HDC: variants seen among roughly 807,000 people sequenced by gnomAD.
HDC encodes the protein histidine decarboxylase.
Under a neutral mutation model 64.4 loss-of-function variants are expected in HDC, and 27 were observed. The ratio of observed to expected loss-of-function variants is 0.42; its 90% CI spans 0.31 to 0.58. HDC has a LOEUF of 0.58. HDC is among the 20% of genes least tolerant of loss of function. The pLI, the probability that HDC is intolerant of heterozygous loss-of-function variation, is 0.16. For synonymous variants in HDC, 305 were observed against 314.2 expected, an observed-to-expected ratio of 0.97 and a Z score of 0.31; for missense variants, 711 against 833.9, an observed-to-expected ratio of 0.85 and a Z score of 1.81.
Position 50,242,649 on chromosome 15 carries a change from T to C in HDC, c.1600A>G (p.Met534Val), listed in dbSNP as rs1270525844. 2 of 1,614,162 alleles carry C rather than the reference T, an allele frequency of 1.2e-6. No homozygotes were observed. The highest frequency in any genetic ancestry group is 2.2e-5 in the East Asian group (1 of 44,890). Residue 534 changes from methionine to valine, a missense_variant, in exon 12 of 12, where the codon ATG becomes GTG. Physicochemically the swap from Met to Val is conservative, Grantham distance 21. This residue lies in a region of HDC where 483 missense variants were observed against 540.9 expected (regional missense o/e 0.89). Coordinates refer to ENST00000267845, the MANE Select transcript of HDC (RefSeq NM_002112.4). ...KQPQRVGAGP[M>V]KRENGLHLET... ...AGATGGAGGCCATTTTCCCTTTTCA[T>C]GGGACCGGCTCCCACACGCTGAGGC...
chr15:50,265,080 T>C (rs2045750136), intron 1 of HDC, among the ~76,000 whole-genome samples: 1 of 152,208 alleles, frequency 6.6e-6, no homozygotes. Flanking sequence ...GGGAGATCCA[T>C]GCCTGAGAAC....
In HDC at chr15:50,253,609, C is replaced by T. The variant is rs2045586962; in HGVS notation, c.778G>A (p.Gly260Ser). 6.2e-7 allele frequency: 1 copy of T among 1,613,728 alleles called. No homozygotes were observed. The change falls in exon 7 of 12, where the codon GGC becomes AGC. Residue 260 changes from glycine (G) to serine (S), a missense_variant. This residue lies in a region of HDC where 483 missense variants were observed against 540.9 expected (regional missense o/e 0.89). Transcript: ENST00000267845. ...GAGGGAAGATACTTACAGATGGGGC[C>T]CAGCTCTGACAGGCAGTCAAATGCA... Reference protein sequence around the residue: ...VCAFDCLSELGPICAREGLWL... With the variant: ...VCAFDCLSELSPICAREGLWL...
intron 4 of HDC, 74 bp from the exon 5 acceptor site, chr15:50,254,738 TTCTCTCTCTCTCTCTC>T (rs55859417): frequency 5.1e-5 from 44 of 865,388 alleles, no homozygotes; most frequent in Non-Finnish European, 6.9e-5. Flanking sequence ...TTCTAGTTTT[TTCTCTCTCTCTCTCTC>T]TCTCTCTCTC....
chr15:50,245,870 T>C (rs2045475424), intron 10 of HDC, among the ~76,000 whole-genome samples: 1 of 152,070 alleles, frequency 6.6e-6, no homozygotes, highest in Non-Finnish European at 1.5e-5. Context: ...CACTTCAGCC[T>C]GAGCAACAGA....
chr15:50,242,379 T>A lies in HDC; in HGVS notation c.1870A>T (p.Met624Leu). The A allele has an allele frequency of 6.2e-7, 1 of 1,614,194 alleles. No homozygotes were observed. Among genetic ancestry groups the A allele is most frequent in the Non-Finnish European group, 8.5e-7 (1 of 1,180,022 alleles). ...IFSRFPEDMM[M>L]LKKSAFKKLI... is the part of the protein sequence containing the mutation. ...TTTTTGAAGGCACTTTTCTTCAGCATCATCATGTCTTCTGGAAACCTGGAA... is the reference window on the plus strand; with the variant it reads ...TTTTTGAAGGCACTTTTCTTCAGCAACATCATGTCTTCTGGAAACCTGGAA... Residue 624 changes from methionine (M) to leucine (L), a missense_variant, in exon 12 of 12, where the codon ATG becomes TTG. Around this residue, in one of 3 missense-constraint regions of HDC, gnomAD observed 483 missense variants for 540.9 expected, o/e 0.89. Transcript: ENST00000267845.
intron 10 of HDC, among the ~76,000 whole-genome samples, chr15:50,245,218 T>A (rs1394189631): frequency 6.6e-6 from 1 of 152,258 alleles, no homozygotes; most frequent in African/African-American, 2.4e-5. Context: ...AGCCCCCACC[T>A]GTGTTTGTAA....
At chr15:50,247,507 C>A (rs1201517005) in intron 10 of HDC, among the ~76,000 whole-genome samples, 2 of 152,180 alleles carry the variant, frequency 1.3e-5, no homozygotes, top group African/African-American at 4.8e-5. Flanking sequence ...CAAAGACACA[C>A]ATAGGCAGAA....
At position 50,254,738 on chromosome 15, in the gene HDC, T is replaced by TCTCTC. The variant is rs1555503912; in HGVS notation, c.442-75_442-74insGAGAG. On this transcript the variant is annotated intron_variant, in intron 4 of 11. Transcript: ENST00000267845. ...AAATTTCCCCAGGCTTTCTAGTTTTTTCTCTCTCTCTCTCTCTCTCTCTCT... is the reference window on the plus strand; with the variant it reads ...AAATTTCCCCAGGCTTTCTAGTTTTTCTCTCTCTCTCTCTCTCTCTCTCTCTCTCT... The TCTCTC allele has an allele frequency of 5.8e-4, 500 of 865,208 alleles. 24 individuals carry two copies. The highest frequency in any genetic ancestry group is 5.1e-3 in the African/African-American group (278 of 54,672). The allele number at this position is 865,208 out of a possible 1,614,324, so 53.6% of individuals were successfully genotyped here.
In HDC at chr15:50,242,309, G is replaced by C. The variant is rs1567443266; in HGVS notation, c.1940C>G (p.Ser647Cys). ...ACAGGGCAGCTGGAGTCCACATTGA[G>C]AGCTGCATTCAGGAAAGCTGGGGAC... ...YSVPSFPECS[S>C]QCGLQLPCCP... The change falls in exon 12 of 12, where the codon TCT becomes TGT. Residue 647 changes from serine to cysteine, a missense_variant. Around this residue, in one of 3 missense-constraint regions of HDC, gnomAD observed 483 missense variants for 540.9 expected, o/e 0.89. Transcript: ENST00000267845. The C allele has an allele frequency of 6.2e-7, 1 of 1,614,156 alleles. No individual in the cohort carries two copies. The highest frequency in any genetic ancestry group is 2.2e-5 in the East Asian group (1 of 44,882).
chr15:50,243,518 G>A (rs1162742015), intron 10 of HDC, among the ~76,000 whole-genome samples: 1 of 152,204 alleles, frequency 6.6e-6, no homozygotes. Flanking sequence ...GAAGGCATGT[G>A]CTTTGCAGTC....
At chr15:50,256,160 A>G (rs1259640517) in intron 4 of HDC, among the ~76,000 whole-genome samples, 1 of 152,258 alleles carries the variant, frequency 6.6e-6, no homozygotes, top group East Asian at 1.9e-4. Flanking sequence ...TGAGATAATC[A>G]GATGAAAAGC....
At chr15:50,253,711 G>T in intron 6 of HDC, 45 bp from the exon 7 acceptor site, 1 of 1,509,194 alleles carries the variant, frequency 6.6e-7, no homozygotes, top group Non-Finnish European at 9.2e-7. Flanking sequence ...GTGGGCTCGT[G>T]TGACACATTT....
intron 2 of HDC, among the ~76,000 whole-genome samples, chr15:50,262,375 G>A (rs1285603312): frequency 6.6e-6 from 1 of 152,170 alleles, no homozygotes; most frequent in Non-Finnish European, 1.5e-5. Context: ...GGGCCACTGG[G>A]AAGATTAAAT....
At chr15:50,258,629 C>T in intron 2 of HDC, 112 bp from the exon 3 acceptor site, 1 of 716,246 alleles carries the variant, frequency 1.4e-6, no homozygotes, top group Non-Finnish European at 2.6e-6. Context: ...TGGGCTGACA[C>T]TTTTAAGCAG....
At chr15:50,256,274 T>C (rs2045629435) in intron 4 of HDC, among the ~76,000 whole-genome samples, 1 of 152,206 alleles carries the variant, frequency 6.6e-6, no homozygotes, top group African/African-American at 2.4e-5. Context: ...CTGCAATTTG[T>C]CTTTCTTCCG....
Position 50,257,511 on chromosome 15 carries a change from C to T in HDC, c.355G>A (p.Val119Ile), listed in dbSNP as rs143849528. ...AGCATTTTTGCCAACCAGTCCATGA[C>T]GTTCATCTCCAGCTCTGTACACGCA... Reference protein sequence around the residue: ...SPACTELEMNVMDWLAKMLGL... With the variant: ...SPACTELEMNIMDWLAKMLGL... The change falls in exon 4 of 12, where the codon GTC (valine) becomes ATC (isoleucine). Residue 119 changes from valine to isoleucine, a missense_variant. This residue lies in a region of HDC where 225 missense variants were observed against 276.2 expected (regional missense o/e 0.81). Transcript: ENST00000267845. 4.6e-5 allele frequency: 75 copies of T among 1,614,046 alleles called. No homozygotes were observed. In the African/African-American group the frequency reaches 7.1e-4, roughly 15 times the overall value.
chr15:50,251,026 A>C (rs1468484371), intron 9 of HDC, among the ~76,000 whole-genome samples: 1 of 152,262 alleles, frequency 6.6e-6, no homozygotes, highest in Non-Finnish European at 1.5e-5. Context: ...CCATCTCTTC[A>C]CAAGGAAGGA....
rs200592587 is a variant in HDC, at chr15:50,248,215, G to C, written c.1140+30C>G. On this transcript the variant is annotated intron_variant, in intron 10 of 11. Coordinates refer to ENST00000267845, the MANE Select transcript of HDC (RefSeq NM_002112.4). This position sits in a 1 kb window ranked among gnomAD's most constrained non-coding sequence, Gnocchi z 4.3. The stretch of plus-strand genomic sequence containing the variant: ...GCCATGAGAAAACAGAGGAACACAG[G>C]CTCAGCCCCCACAGCAGCATGCTAC... 1 of 1,469,802 alleles carries C rather than the reference G, an allele frequency of 6.8e-7. No homozygotes were observed. Among genetic ancestry groups the C allele is most frequent in the Non-Finnish European group, 9.5e-7 (1 of 1,048,912 alleles). 91.0% of individuals were successfully genotyped at this position (1,469,802 alleles called of 1,614,324 possible).
intron 9 of HDC, among the ~76,000 whole-genome samples, chr15:50,251,555 CGTTTACATCCCT>C (rs1435848273): frequency 6.6e-6 from 1 of 152,156 alleles, no homozygotes; most frequent in Non-Finnish European, 1.5e-5. Context: ...GTAATACATT[CGTTTACATCCCT>C]GTCTCCCCTA....
Sources: allele counts gnomAD v4.1 joint callset (sites outside exome capture counted in the v4.1 genomes callset), GRCh38; gene constraint gnomAD v4.1.1; regional missense constraint gnomAD v4.1.1; non-coding constraint Gnocchi (gnomAD v3.1); transcripts MANE v1.5; gene names NCBI Gene and HGNC (gene_info 2026-07-23, HGNC 2026-07-21).